TENM3: variants seen among roughly 807,000 people sequenced by gnomAD.
TENM3 encodes the protein teneurin transmembrane protein 3, also known as teneurin-3.
A neutral mutation model predicts 255.1 loss-of-function variants in TENM3; 63 were observed. The observed-to-expected ratio is 0.25, with a 90% CI of 0.20 to 0.30. The LOEUF (loss-of-function observed/expected upper bound fraction) is 0.30, where lower values mean the gene tolerates loss of function less well. Ranked by LOEUF, TENM3 falls within the 10% of genes least tolerant of loss-of-function variation. The pLI is 1.00. For synonymous variants in TENM3, 1,306 were observed against 1,322.3 expected, an observed-to-expected ratio of 0.99 and a Z score of 0.27; for missense variants, 2,929 against 3,461.1, an observed-to-expected ratio of 0.85 and a Z score of 3.86.
intron 1 of TENM3, among the ~76,000 whole-genome samples, chr4:182,169,723 T>A (rs1045672424): frequency 3.9e-5 from 6 of 151,936 alleles, no homozygotes; most frequent in Non-Finnish European, 7.4e-5. Context: ...ACCTCTCCTG[T>A]GGGGGTTAAG....
In TENM3 at chr4:182,689,077, T is replaced by C. The variant is rs561978953; in HGVS notation, c.2221+726T>C. 2.6e-5 allele frequency among the ~76,000 whole-genome samples: 4 copies of C among 152,358 alleles called. No homozygotes were observed. The East Asian group carries it at 7.7e-4, about 29-fold the overall frequency. The stretch of plus-strand genomic sequence containing the variant: ...TCAAGATACTTAGTGTCTTTGCTTT[T>C]ACCATTTGTCACTAAAATTAAAATG... On this transcript the variant is annotated intron_variant, in intron 12 of 27. Coordinates refer to ENST00000511685, the MANE Select transcript of TENM3 (RefSeq NM_001080477.4).
intron 19 of TENM3, among the ~76,000 whole-genome samples, chr4:182,750,632 T>C (rs922750745): frequency 2.3e-4 from 35 of 152,302 alleles, no homozygotes; most frequent in African/African-American, 8.2e-4. Context: ...TTCATATAGG[T>C]AGATTTATTA....
the TENM3 span, among the ~76,000 whole-genome samples, chr4:181,453,239 G>A: frequency 6.6e-6 from 1 of 152,196 alleles, no homozygotes; most frequent in East Asian, 1.9e-4. Flanking sequence ...GGAAAGACAG[G>A]AAGTGTCTGG....
chr4:181,967,965 C>T, the TENM3 span, among the ~76,000 whole-genome samples: 20 of 152,210 alleles, frequency 1.3e-4, 1 homozygote, highest in South Asian at 4.1e-3. Flanking sequence ...TCTCTATGGC[C>T]AGGGAGTGTG....
At chr4:181,793,573 G>T in the TENM3 span, among the ~76,000 whole-genome samples, 4 of 152,082 alleles carry the variant, frequency 2.6e-5, no homozygotes, top group Admixed American at 2.6e-4. Context: ...AGGGAACTTG[G>T]CTTGCATGGT....
intron 1 of TENM3, among the ~76,000 whole-genome samples, chr4:182,319,981 C>T (rs1015706738): frequency 6.6e-6 from 1 of 152,046 alleles, no homozygotes; most frequent in African/African-American, 2.4e-5. Flanking sequence ...GGTGTGGTGG[C>T]ACGCGCCTGT....
At chr4:182,376,333 T>C (rs926979264) in intron 3 of TENM3, among the ~76,000 whole-genome samples, 2 of 152,304 alleles carry the variant, frequency 1.3e-5, no homozygotes, top group African/African-American at 4.8e-5. Context: ...GAATTTTCAA[T>C]ATTTTGTCAC....
rs140212057 is a variant in TENM3 at position 182,439,181 on chromosome 4, G to A, written c.511+92252G>A. ...CTGTGAAGTTTGTTATCACTCTGAA[G>A]CTGAAAGTCCCCAGGACTAGACAGT... On this transcript the variant is annotated intron_variant, in intron 3 of 27. Transcript: ENST00000511685. Among the ~76,000 whole-genome samples, 231 of 152,324 alleles carry A rather than the reference G, an allele frequency of 1.5e-3. 1 individual carries two copies. Among genetic ancestry groups the A allele is most frequent in the African/African-American group, 5.3e-3 (221 of 41,584 alleles).
chr4:182,620,777 G>T (rs781251499), intron 4 of TENM3, among the ~76,000 whole-genome samples: 1 of 152,208 alleles, frequency 6.6e-6, no homozygotes, highest in Non-Finnish European at 1.5e-5. Context: ...TGCCCAGGCT[G>T]CAGTACAGTG....
At chr4:182,076,570 T>C in the TENM3 span, among the ~76,000 whole-genome samples, 1 of 152,318 alleles carries the variant, frequency 6.6e-6, no homozygotes, top group Non-Finnish European at 1.5e-5. Flanking sequence ...CACATATCCT[T>C]TCTTCTGGGC....
In TENM3 at chr4:182,432,276, A is replaced by G. The variant is rs187479426; in HGVS notation, c.511+85347A>G. 3.3e-5 allele frequency among the ~76,000 whole-genome samples: 5 copies of G among 152,258 alleles called. No individual in the cohort carries two copies. In the East Asian group the frequency reaches 7.7e-4, roughly 24 times the overall value. On this transcript the variant is annotated intron_variant, in intron 3 of 27. Coordinates refer to ENST00000511685, the MANE Select transcript of TENM3 (RefSeq NM_001080477.4). ...ATTTAAGGTAGGCTAGGAATTCACA[A>G]TGTGTTTTATGTTCACTATTTTGTT... is the stretch of plus-strand genomic sequence containing the variant.
At chr4:182,272,948 G>C (rs1194144968) in intron 1 of TENM3, among the ~76,000 whole-genome samples, 1 of 152,150 alleles carries the variant, frequency 6.6e-6, no homozygotes. Flanking sequence ...GGATCTGGAA[G>C]GGTTTTAAAC....
chr4:182,105,503 CTG>C, the TENM3 span, among the ~76,000 whole-genome samples: 53 of 152,320 alleles, frequency 3.5e-4, 1 homozygote, highest in South Asian at 0.01. Flanking sequence ...CTCACTGAAA[CTG>C]TGATCCTCAC....
the TENM3 span, among the ~76,000 whole-genome samples, chr4:181,552,140 G>A: frequency 6.6e-6 from 1 of 151,954 alleles, no homozygotes; most frequent in Admixed American, 6.6e-5. Context: ...CTGACATTGA[G>A]CAAATATATT....
chr4:182,270,079 A>G (rs1759515913), intron 1 of TENM3, among the ~76,000 whole-genome samples: 2 of 152,152 alleles, frequency 1.3e-5, no homozygotes. Flanking sequence ...AAGTCAATGG[A>G]AAAAATTGCC....
At position 182,779,057 on chromosome 4, in the gene TENM3, CTT is replaced by C. The variant is rs922109180; in HGVS notation, c.5304+3915_5304+3916del. Among the ~76,000 whole-genome samples, 14 of 90,056 alleles carry C rather than the reference CTT, an allele frequency of 1.6e-4. No individual in the cohort carries two copies. In the East Asian group the frequency reaches 3.0e-3, roughly 19 times the overall value. The allele number at this position is 90,056 out of a possible 152,430, so 59.1% of individuals were successfully genotyped here. On this transcript the variant is annotated intron_variant, in intron 24 of 27. Transcript: ENST00000511685. ...ATGTGTTCTTTTTTTTTTTCCTTTT[CTT>C]TTTTTTTTTTATTATACTTTAAGTT...
At chr4:181,553,542 C>T in the TENM3 span, among the ~76,000 whole-genome samples, 4 of 151,670 alleles carry the variant, frequency 2.6e-5, no homozygotes, top group East Asian at 2.0e-4. Flanking sequence ...CCCGGGTTCA[C>T]GTCATTCTCC....
At chr4:181,971,377 G>C in the TENM3 span, among the ~76,000 whole-genome samples, 2 of 152,164 alleles carry the variant, frequency 1.3e-5, no homozygotes, top group Non-Finnish European at 2.9e-5. Context: ...GAAGAGGAGA[G>C]AGTGAGAAAA....
intron 2 of TENM3, among the ~76,000 whole-genome samples, chr4:182,337,003 G>T (rs1166065742): frequency 2.0e-5 from 3 of 152,044 alleles, no homozygotes; most frequent in Non-Finnish European, 2.9e-5. Flanking sequence ...ACAACAGCTG[G>T]TGAGTTCTAG....
Sources: allele counts gnomAD v4.1 joint callset (sites outside exome capture counted in the v4.1 genomes callset), GRCh38; gene constraint gnomAD v4.1.1; transcripts MANE v1.5; gene names NCBI Gene and HGNC (gene_info 2026-07-23, HGNC 2026-07-21).